The following ANKRD27 variants were observed in gnomAD, a reference collection of about 807,000 sequenced individuals.
ANKRD27 encodes the protein ankyrin repeat domain 27, also known as ankyrin repeat domain-containing protein 27.
Under a neutral mutation model 129.7 loss-of-function variants are expected in ANKRD27, and 112 were observed. That is an observed-to-expected ratio of 0.86 (90% CI 0.74 to 1.01). ANKRD27 has a LOEUF of 1.01. ANKRD27 is among the 50% of genes least tolerant of loss of function. The pLI is 0.00. For synonymous variants in ANKRD27, 516 were observed against 511.2 expected (o/e 1.01, Z -0.13); for missense variants, 1,258 against 1,300.5 (o/e 0.97, Z 0.50).
chr19:32,627,100 T>A (rs1966898037), intron 15 of ANKRD27, among the ~76,000 whole-genome samples: 1 of 152,148 alleles, frequency 6.6e-6, no homozygotes, highest in South Asian at 2.1e-4. Flanking sequence ...ACAGGCTCCA[T>A]GACTCATCAG....
At chr19:32,657,238 T>C (rs1218286045) in intron 2 of ANKRD27, among the ~76,000 whole-genome samples, 1 of 150,288 alleles carries the variant, frequency 6.7e-6, no homozygotes, top group African/African-American at 2.4e-5. Context: ...CCGAGGCGGG[T>C]GGATCACGAG....
intron 3 of ANKRD27, 131 bp downstream of exon 3, chr19:32,649,551 C>A (rs117928561): frequency 0.026 from 18,130 of 692,006 alleles, 381 homozygotes; most frequent in Middle Eastern, 0.064. Flanking sequence ...CAGCCCCCCA[C>A]GGGGCTGCAG....
chr19:32,642,214 A>AACGG, intron 9 of ANKRD27, 69 bp from the exon 10 acceptor site: 3 of 1,368,530 alleles, frequency 2.2e-6, no homozygotes, highest in South Asian at 1.8e-5. Context: ...GGATCTAAGA[A>AACGG]CACATCTCAG....
At chr19:32,649,611 G>T in intron 3 of ANKRD27, 71 bp downstream of exon 3, 1 of 1,032,610 alleles carries the variant, frequency 9.7e-7, no homozygotes, top group Non-Finnish European at 1.5e-6. Flanking sequence ...CTGAGAACGG[G>T]ACTCTCTTCC....
chr19:32,645,538 A>C (rs1967286068), intron 4 of ANKRD27, among the ~76,000 whole-genome samples: 1 of 152,126 alleles, frequency 6.6e-6, no homozygotes, highest in Non-Finnish European at 1.5e-5. Context: ...TCCTAGGCTC[A>C]AGTGACCCTC....
At chr19:32,632,188 C>A (rs1967006101) in intron 12 of ANKRD27, among the ~76,000 whole-genome samples, 1 of 152,038 alleles carries the variant, frequency 6.6e-6, no homozygotes. Context: ...ACTTGGGAGG[C>A]TGAGGCAGAA....
chr19:32,645,971 AC>A (rs1260203679), intron 4 of ANKRD27, among the ~76,000 whole-genome samples: 1 of 150,980 alleles, frequency 6.6e-6, no homozygotes, highest in Non-Finnish European at 1.5e-5. Context: ...TCACTCTGTC[AC>A]CCAGGATCGA....
intron 13 of ANKRD27, among the ~76,000 whole-genome samples, chr19:32,630,306 T>C (rs1300777895): frequency 6.6e-6 from 1 of 152,226 alleles, no homozygotes; most frequent in Non-Finnish European, 1.5e-5. Context: ...CAGGGGGCTC[T>C]GCCCTCGCCC....
At chr19:32,673,364 C>G in intron 1 of ANKRD27, 1 of 985,374 alleles carries the variant, frequency 1.0e-6, no homozygotes, top group Middle Eastern at 5.2e-4. Context: ...CCTCCTGGAT[C>G]TGCCCCCTGG....
intron 25 of ANKRD27, 70 bp from the exon 26 acceptor site, chr19:32,602,196 A>G: frequency 4.9e-6 from 5 of 1,018,300 alleles, no homozygotes; most frequent in Non-Finnish European, 7.5e-6. Context: ...TTTGTTTTTG[A>G]TCTAAATGTC....
chr19:32,660,849 C>T (rs548380262), intron 1 of ANKRD27, among the ~76,000 whole-genome samples: 10 of 151,518 alleles, frequency 6.6e-5, no homozygotes, highest in South Asian at 2.1e-4. Flanking sequence ...CTCACTTTCC[C>T]GCTGGGTTGT....
chr19:32,638,989 T>G, intron 12 of ANKRD27: 1 of 366,986 alleles, frequency 2.7e-6, no homozygotes, highest in Non-Finnish European at 4.8e-6. Context: ...GCCACAGAGG[T>G]TTCCGGCTGG....
rs143802388 is a variant in ANKRD27, at chr19:32,610,706, G to A, written c.2176-2874C>T. Among the ~76,000 whole-genome samples the A allele has an allele frequency of 1.6e-3, 238 of 151,954 alleles. 2 individuals are homozygous for A. The highest frequency in any genetic ancestry group is 5.6e-3 in the African/African-American group (232 of 41,440). On this transcript the variant is annotated intron_variant, in intron 22 of 28. Transcript: ENST00000306065. ...ACTCGGGAGGCTGAGGCAGAAGAAT[G>A]TCTTGAACCCGAGAGGCAGAGGTTG...
rs1165591397 is a variant in ANKRD27, at chr19:32,597,721, T to C, written c.*424A>G. ...TACCATGAAACCTAAATTACTTACT[T>C]CTCTCCAGCTTAATCCTAGGTGGAG... is the stretch of plus-strand genomic sequence containing the variant. On this transcript the variant is annotated 3_prime_UTR_variant, in exon 29 of 29. Coordinates refer to ENST00000306065, the MANE Select transcript of ANKRD27 (RefSeq NM_032139.3). The C allele has an allele frequency of 1.6e-5, 3 of 185,164 alleles. No homozygotes were observed. Among genetic ancestry groups the C allele is most frequent in the Admixed American group, 5.3e-5 (1 of 18,744 alleles). The allele number at this position is 185,164 out of a possible 1,614,324, so 11.5% of individuals were successfully genotyped here. A position where few individuals can be genotyped will look rare whatever the true frequency, so the allele number is the denominator to read the frequency against.
intron 2 of ANKRD27, among the ~76,000 whole-genome samples, chr19:32,650,913 AT>A (rs5827815): frequency 6.7e-6 from 1 of 148,712 alleles, no homozygotes. Flanking sequence ...CATGACCAGC[AT>A]TTTTTTTTTA....
intron 13 of ANKRD27, among the ~76,000 whole-genome samples, chr19:32,629,841 GTT>G (rs1346822163): frequency 9.0e-6 from 1 of 110,954 alleles, no homozygotes; most frequent in Non-Finnish European, 1.7e-5. Flanking sequence ...TTCCTCTTGT[GTT>G]CTTTTTTTTT....
chr19:32,621,420 A>G (rs1972008151), intron 18 of ANKRD27, among the ~76,000 whole-genome samples: 1 of 152,206 alleles, frequency 6.6e-6, no homozygotes, highest in Non-Finnish European at 1.5e-5. Context: ...TGAGGTCAGG[A>G]GTTCAAGACC....
chr19:32,622,657 T>C, intron 17 of ANKRD27, 38 bp from the exon 18 acceptor site: 2 of 1,606,248 alleles, frequency 1.2e-6, no homozygotes, highest in Non-Finnish European at 1.7e-6. Context: ...CTCATGGATG[T>C]ACCAAGCCTC....
In ANKRD27 at chr19:32,646,464, C is replaced by T; in HGVS notation, c.365G>A (p.Ser122Asn). 6.2e-7 allele frequency: 1 copy of T among 1,602,324 alleles called. No individual in the cohort carries two copies. The stretch of plus-strand genomic sequence containing the variant: ...GGTTTTTTCTCCCAGAATACCTGAA[C>T]TCTCTCTCTTTTCCAAAGGATGGGC... ...CIAHPLEKRE[S>N]SEEPLAPSDP... The change falls in exon 4 of 29, where the codon AGT becomes AAT. Residue 122 changes from serine (S) to asparagine (N), a missense_variant. Transcript: ENST00000306065.
Sources: gnomAD v4.1 joint callset for allele counts (sites outside exome capture counted in the v4.1 genomes callset) on GRCh38, gnomAD v4.1.1 for gene constraint, MANE v1.5 for transcripts, NCBI Gene and HGNC (gene_info 2026-07-23, HGNC 2026-07-21) for gene names.